Variants in CCDC73 observed in about 807,000 individuals in gnomAD.
CCDC73 encodes coiled-coil domain-containing protein 73.
Under a neutral mutation model 116.5 loss-of-function variants are expected in CCDC73, and 95 were observed. The ratio of observed to expected loss-of-function variants is 0.82; its 90% CI spans 0.69 to 0.97. CCDC73 has a LOEUF of 0.97. Ranked by LOEUF, CCDC73 falls within the 50% of genes least tolerant of loss-of-function variation. The pLI is 0.00. For missense variants in CCDC73, 1,066 were observed against 1,206.8 expected, an observed-to-expected ratio of 0.88 and a Z score of 1.73; for synonymous variants, 398 against 401.3, an observed-to-expected ratio of 0.99 and a Z score of 0.10.
Position 32,613,408 on chromosome 11 carries a change from C to CT in CCDC73, c.2896+13dup, listed in dbSNP as rs1316553199. The CT allele has an allele frequency of 1.9e-6, 3 of 1,562,476 alleles. No homozygotes were observed. In the Admixed American group the frequency reaches 5.6e-5, roughly 29 times the overall value. On this transcript the variant is annotated intron_variant, in intron 16 of 17. Transcript: ENST00000335185. ...AAATATTTTGAGAATTAAAACATTA[C>CT]TTTGTTTTCTTACCTGGTCCAATAT...
At chr11:32,610,421 T>G (rs1225558774) in intron 17 of CCDC73, among the ~76,000 whole-genome samples, 2 of 152,344 alleles carry the variant, frequency 1.3e-5, no homozygotes, top group Middle Eastern at 3.4e-3. Flanking sequence ...AAATACATTG[T>G]TAAAAGCTGT....
At chr11:32,744,754 T>G (rs1387852056) in intron 2 of CCDC73, among the ~76,000 whole-genome samples, 1 of 152,228 alleles carries the variant, frequency 6.6e-6, no homozygotes, top group Non-Finnish European at 1.5e-5. Context: ...AGTCGTCATA[T>G]CCCCTTTATC....
At chr11:32,830,467 A>AG in the CCDC73 span, 1 of 1,285,066 alleles carries the variant, frequency 7.8e-7, no homozygotes, top group Non-Finnish European at 1.0e-6. Flanking sequence ...GTGCTGAGCT[A>AG]GGGGCCTTTT....
At chr11:32,772,783 T>C (rs1018838011) in intron 1 of CCDC73, among the ~76,000 whole-genome samples, 1 of 152,196 alleles carries the variant, frequency 6.6e-6, no homozygotes, top group Non-Finnish European at 1.5e-5. Flanking sequence ...TGACACACTA[T>C]AATCAAAAAG....
intron 2 of CCDC73, among the ~76,000 whole-genome samples, chr11:32,724,078 T>C (rs1420452156): frequency 6.6e-6 from 1 of 152,148 alleles, no homozygotes; most frequent in African/African-American, 2.4e-5. Flanking sequence ...ATATACATTC[T>C]ACAAATCATA....
intron 14 of CCDC73, among the ~76,000 whole-genome samples, chr11:32,624,368 AT>A (rs1205310374): frequency 6.6e-6 from 1 of 152,016 alleles, no homozygotes; most frequent in African/African-American, 2.4e-5. Context: ...AAATAAATAA[AT>A]TATAAGTGAG....
intron 12 of CCDC73, among the ~76,000 whole-genome samples, chr11:32,650,996 C>T (rs1189111967): frequency 1.3e-5 from 2 of 152,028 alleles, no homozygotes; most frequent in African/African-American, 4.8e-5. Flanking sequence ...TATCATGATC[C>T]CCTAGGCTTG....
chr11:32,656,034 A>G (rs201844), intron 9 of CCDC73, among the ~76,000 whole-genome samples: 66,618 of 151,462 alleles, frequency 0.44, 15,116 homozygotes, highest in African/African-American at 0.51. Context: ...AGTACCTGGC[A>G]TCTTTGCTTC....
rs560614895 is a variant in CCDC73, at chr11:32,673,564, TC to T, written c.645+2000del. Reference sequence around the variant, plus strand: ...CATTCATATTCATTTATCCCTTGAGTCCAAAATATACAACTAAAAAATATAG... The same window carrying T: ...CATTCATATTCATTTATCCCTTGAGTCAAAATATACAACTAAAAAATATAG... On this transcript the variant is annotated intron_variant, in intron 9 of 17. Coordinates refer to ENST00000335185, the MANE Select transcript of CCDC73 (RefSeq NM_001008391.4). Among the ~76,000 whole-genome samples, 64 of 152,212 alleles carry T rather than the reference TC, an allele frequency of 4.2e-4. No homozygotes were observed. In the South Asian group the frequency reaches 6.2e-3, roughly 15 times the overall value.
chr11:32,697,425 C>T (rs1310572481), intron 6 of CCDC73, among the ~76,000 whole-genome samples: 4 of 151,348 alleles, frequency 2.6e-5, no homozygotes, highest in Non-Finnish European at 5.9e-5. Context: ...TATTCTTGAC[C>T]CAGGATCCAA....
intron 3 of CCDC73, among the ~76,000 whole-genome samples, chr11:32,711,780 T>C (rs1849902643): frequency 6.6e-6 from 1 of 152,130 alleles, no homozygotes; most frequent in South Asian, 2.1e-4. Context: ...AAACAAAAAC[T>C]TTAACAGCGC....
chr11:32,669,866 G>A lies in CCDC73; in HGVS notation c.645+5699C>T, dbSNP rs561151405. Among the ~76,000 whole-genome samples the A allele has an allele frequency of 2.6e-5, 4 of 152,250 alleles. No individual in the cohort carries two copies. In the South Asian group the frequency reaches 8.3e-4, roughly 32 times the overall value. The stretch of plus-strand genomic sequence containing the variant: ...CATTTTCTTTATCCATTCATCTGTT[G>A]ATGGACACTTGGGTTGCTTTCGAAT... On this transcript the variant is annotated intron_variant, in intron 9 of 17. Coordinates refer to ENST00000335185, the MANE Select transcript of CCDC73 (RefSeq NM_001008391.4).
rs142317557 is a variant in CCDC73, at chr11:32,666,598, G to A, written c.645+8967C>T. ...AAGGTTTTTAGCTTCTTTGCGATGG[G>A]TTCGACCTTCCTCCTTTAGCTCGGA... is the stretch of plus-strand genomic sequence containing the variant. On this transcript the variant is annotated intron_variant, in intron 9 of 17. Coordinates refer to ENST00000335185, the MANE Select transcript of CCDC73 (RefSeq NM_001008391.4). Among the ~76,000 whole-genome samples the A allele has an allele frequency of 1.9e-3, 287 of 152,266 alleles. 1 individual carries two copies. The highest frequency in any genetic ancestry group is 6.5e-3 in the African/African-American group (272 of 41,550).
intron 1 of CCDC73, among the ~76,000 whole-genome samples, chr11:32,773,993 T>A (rs1035154059): frequency 3.3e-5 from 5 of 152,204 alleles, no homozygotes; most frequent in African/African-American, 1.2e-4. Context: ...GGGGGTTTTA[T>A]CTGGCAGTAT....
At position 32,743,203 on chromosome 11, in the gene CCDC73, T is replaced by C. The variant is rs148936342; in HGVS notation, c.135+16906A>G. ...TCCAATTCTGTGAAAAGGTCAGTGG[T>C]AGCTTGATGGGGACAGCATTGAATC... On this transcript the variant is annotated intron_variant, in intron 2 of 17. Transcript: ENST00000335185. Among the ~76,000 whole-genome samples, 1,290 of 152,312 alleles carry C rather than the reference T, an allele frequency of 8.5e-3. 18 individuals carry two copies. The highest frequency in any genetic ancestry group is 0.03 in the African/African-American group (1,235 of 41,568).
At chr11:32,613,368 CAAGAAT>C (rs1855439708) in intron 16 of CCDC73, 48 bp downstream of exon 16, 1 of 1,432,450 alleles carries the variant, frequency 7.0e-7, no homozygotes, top group Non-Finnish European at 9.5e-7. Context: ...ACACATTTAT[CAAGAAT>C]AAGTAGAAAA....
chr11:32,675,651 C>T lies in CCDC73; in HGVS notation c.566-7G>A, dbSNP rs909763082. The T allele has an allele frequency of 3.8e-6, 6 of 1,571,790 alleles. No individual in the cohort carries two copies. In the African/African-American group the frequency reaches 4.1e-5, roughly 11 times the overall value. On this transcript the variant is annotated splice_polypyrimidine_tract_variant and splice_region_variant and intron_variant, in intron 8 of 17. Coordinates refer to ENST00000335185, the MANE Select transcript of CCDC73 (RefSeq NM_001008391.4). ...GATTGTATTGCTTCCCGTACTGCAA[C>T]ATGAAAGACATTTAAGAAAGCATTA...
chr11:32,651,193 A>G (rs1167601565), intron 12 of CCDC73, among the ~76,000 whole-genome samples: 1 of 152,094 alleles, frequency 6.6e-6, no homozygotes. Context: ...ACCCCAACCC[A>G]TGGCAAATGG....
intron 1 of CCDC73, among the ~76,000 whole-genome samples, chr11:32,777,906 A>G (rs1416214567): frequency 6.6e-6 from 1 of 152,202 alleles, no homozygotes. Flanking sequence ...CTCATTTATC[A>G]GAAATACACT....
Sources: gnomAD v4.1 joint callset for allele counts (sites outside exome capture counted in the v4.1 genomes callset) on GRCh38, gnomAD v4.1.1 for gene constraint, MANE v1.5 for transcripts, NCBI Gene and HGNC (gene_info 2026-07-23, HGNC 2026-07-21) for gene names.